Variants in COPB1 observed in about 807,000 individuals in gnomAD.
COPB1 encodes coat protein complex I subunit beta 1.
A neutral mutation model predicts 108.7 loss-of-function variants in COPB1; 21 were observed. The observed-to-expected ratio is 0.19, with a 90% CI of 0.14 to 0.28. COPB1 has a LOEUF of 0.28. COPB1 is among the 10% of genes least tolerant of loss of function. The probability of loss-of-function intolerance (pLI) is 1.00; values close to 1 mark genes in which losing one functional copy is unlikely to be tolerated. For synonymous variants in COPB1, 378 were observed against 386.8 expected (o/e 0.98, Z 0.27); for missense variants, 919 against 1,141.3 (o/e 0.81, Z 2.81).
At chr11:14,498,440 A>T (rs775180467) in intron 2 of COPB1, among the ~76,000 whole-genome samples, 5 of 152,220 alleles carry the variant, frequency 3.3e-5, no homozygotes, top group Non-Finnish European at 5.9e-5. Context: ...TTGGGTGGGT[A>T]ATCCAAAGAA....
intron 19 of COPB1, 25 bp downstream of exon 19, chr11:14,461,161 A>G: frequency 1.2e-6 from 2 of 1,613,932 alleles, no homozygotes; most frequent in South Asian, 1.1e-5. Context: ...ATAAAGGAAT[A>G]TGAGAAAATC....
At chr11:14,487,418 T>C (rs187133708) in intron 6 of COPB1, among the ~76,000 whole-genome samples, 8 of 152,320 alleles carry the variant, frequency 5.3e-5, no homozygotes, top group Middle Eastern at 3.4e-3. Context: ...GGCTCACGCC[T>C]GTAATCTCAG....
At chr11:14,471,068 T>TA (rs1281535844) in intron 14 of COPB1, among the ~76,000 whole-genome samples, 3 of 152,134 alleles carry the variant, frequency 2.0e-5, no homozygotes, top group African/African-American at 7.2e-5. Context: ...TAGAATCCTA[T>TA]ACCCACAAAG....
intron 7 of COPB1, among the ~76,000 whole-genome samples, chr11:14,484,388 T>C (rs1437699582): frequency 6.6e-6 from 1 of 152,168 alleles, no homozygotes; most frequent in Non-Finnish European, 1.5e-5. Flanking sequence ...TTATAGAAAA[T>C]GTGAACATAT....
intron 6 of COPB1, among the ~76,000 whole-genome samples, chr11:14,487,152 T>C (rs11023238): frequency 0.21 from 32,419 of 152,174 alleles, 4,456 homozygotes; most frequent in Admixed American, 0.35. Flanking sequence ...CCATTCTAAA[T>C]GTATCCTGAT....
At chr11:14,483,281 T>A in intron 7 of COPB1, 130 bp from the exon 8 acceptor site, 8 of 507,820 alleles carry the variant, frequency 1.6e-5, no homozygotes, top group South Asian at 4.6e-5. Flanking sequence ...CAAAATACAC[T>A]CATTAATTAA....
At chr11:14,498,285 T>C (rs557012835) in intron 2 of COPB1, among the ~76,000 whole-genome samples, 5 of 152,348 alleles carry the variant, frequency 3.3e-5, no homozygotes, top group Admixed American at 2.6e-4. Flanking sequence ...CCCATAAATA[T>C]ATACATCTAC....
chr11:14,474,027 T>C (rs1565016319), intron 14 of COPB1: 1 of 152,384 alleles, frequency 6.6e-6, no homozygotes, highest in Admixed American at 6.5e-5. Flanking sequence ...GCTGTGAATA[T>C]GGAGGACCAA....
At position 14,468,813 on chromosome 11, in the gene COPB1, A is replaced by G; in HGVS notation, c.2013T>C (p.Ile671=). The change falls in exon 16 of 22, where the codon ATT becomes ATC. Residue 671 remains isoleucine, a synonymous_variant. Transcript: ENST00000439561. ...TCTTAGCAGTTAGTTGCATGAAGGA[A>G]ATGGGGTCATCAGGCTGTACTGTCA... ...RNVTVQPDDP[I]SFMQLTAKNE... is the part of the protein sequence containing the mutation. 1 of 1,614,122 alleles carries G rather than the reference A, an allele frequency of 6.2e-7. No homozygotes were observed. The highest frequency in any genetic ancestry group is 8.5e-7 in the Non-Finnish European group (1 of 1,179,988).
rs556685207 is a variant in COPB1, at chr11:14,474,924, C to A, written c.1617-309G>T. Among the ~76,000 whole-genome samples, 10 of 151,736 alleles carry A rather than the reference C, an allele frequency of 6.6e-5. No individual in the cohort carries two copies. The East Asian group carries it at 1.9e-3, about 29-fold the overall frequency. ...CAGCCTGGCCAACATGGTGAAACCC[C>A]GTCTCTACTAAAAATACAAAAATTA... On this transcript the variant is annotated intron_variant, in intron 13 of 21. Coordinates refer to ENST00000439561, the MANE Select transcript of COPB1 (RefSeq NM_001144061.2).
chr11:14,482,996 T>C (rs921260377), intron 8 of COPB1, 36 bp downstream of exon 8: 39 of 1,498,884 alleles, frequency 2.6e-5, no homozygotes, highest in Non-Finnish European at 3.3e-5. Flanking sequence ...TGAAAAACAT[T>C]TTATTTAGGA....
chr11:14,469,300 C>G, intron 15 of COPB1, 36 bp downstream of exon 15: 11 of 1,559,562 alleles, frequency 7.1e-6, no homozygotes, highest in Non-Finnish European at 9.7e-6. Flanking sequence ...CGAAGAGACA[C>G]AAAACACTTT....
In COPB1 at chr11:14,468,797, T is replaced by A; in HGVS notation, c.2029A>T (p.Thr677Ser). 1.2e-6 allele frequency: 2 copies of A among 1,614,110 alleles called. No individual in the cohort carries two copies. The change falls in exon 16 of 22, where the codon ACT becomes TCT. Residue 677 changes from threonine (T) to serine (S), a missense_variant. Around this residue, in one of 5 missense-constraint regions of COPB1, gnomAD observed 705 missense variants for 817.8 expected, o/e 0.86. Transcript: ENST00000439561. ...TTGCAGTTCATTTCATTCTTAGCAGTTAGTTGCATGAAGGAAATGGGGTCA... is the reference window on the plus strand; with the variant it reads ...TTGCAGTTCATTTCATTCTTAGCAGATAGTTGCATGAAGGAAATGGGGTCA... Reference protein sequence around the residue: ...PDDPISFMQLTAKNEMNCKED... With the variant: ...PDDPISFMQLSAKNEMNCKED...
intron 20 of COPB1, among the ~76,000 whole-genome samples, chr11:14,459,702 AC>A (rs1459292129): frequency 6.7e-6 from 1 of 148,328 alleles, no homozygotes; most frequent in African/African-American, 2.5e-5. Flanking sequence ...TGCAACCTCC[AC>A]CCCCTGGGGT....
intron 18 of COPB1, among the ~76,000 whole-genome samples, chr11:14,463,281 T>C (rs900481809): frequency 6.6e-6 from 1 of 152,176 alleles, no homozygotes; most frequent in Non-Finnish European, 1.5e-5. Context: ...TCTATTCCTA[T>C]GGCTTTTAAA....
At chr11:14,462,514 G>A (rs1048245331) in intron 18 of COPB1, among the ~76,000 whole-genome samples, 1 of 152,148 alleles carries the variant, frequency 6.6e-6, no homozygotes, top group African/African-American at 2.4e-5. Context: ...TTACAGGCAT[G>A]AGCCACTGTG....
At chr11:14,473,575 C>A (rs1321515660) in intron 14 of COPB1, among the ~76,000 whole-genome samples, 6 of 120,584 alleles carry the variant, frequency 5.0e-5, no homozygotes, top group African/African-American at 1.9e-4. Context: ...GACGGGGTAA[C>A]AGCCGGAACA....
intron 14 of COPB1, among the ~76,000 whole-genome samples, chr11:14,473,579 C>A (rs1398841266): frequency 5.6e-5 from 1 of 17,828 alleles, no homozygotes; most frequent in Non-Finnish European, 1.0e-4. Context: ...GGGTAACAGC[C>A]GGAACACACA....
chr11:14,465,744 A>T (rs551042576), intron 17 of COPB1, among the ~76,000 whole-genome samples: 1 of 152,334 alleles, frequency 6.6e-6, no homozygotes, highest in Admixed American at 6.5e-5. Context: ...TGCATAAGCC[A>T]TATGAAATCT....
Sources: gnomAD v4.1 joint callset for allele counts (sites outside exome capture counted in the v4.1 genomes callset) on GRCh38, gnomAD v4.1.1 for gene constraint, gnomAD v4.1.1 regional missense constraint, MANE v1.5 for transcripts, NCBI Gene and HGNC (gene_info 2026-07-23, HGNC 2026-07-21) for gene names.